Variants in DACH2 observed in about 807,000 individuals in gnomAD.
The protein encoded by DACH2 is dachshund homolog 2.
Under a neutral mutation model 35.8 loss-of-function variants are expected in DACH2, and 17 were observed. The observed-to-expected ratio is 0.48, with a 90% CI of 0.33 to 0.71. The LOEUF (loss-of-function observed/expected upper bound fraction) is 0.71, where lower values mean the gene tolerates loss of function less well. Among genes scored for constraint, DACH2 ranks in the 30% least tolerant of loss-of-function variants. The pLI is 0.02. For synonymous variants in DACH2, 195 were observed against 177.3 expected, an observed-to-expected ratio of 1.10 and a Z score of -0.79; for missense variants, 469 against 472.7, an observed-to-expected ratio of 0.99 and a Z score of 0.07.
At chrX:86,650,504 G>A (rs1470391128) in intron 3 of DACH2, among the ~76,000 whole-genome samples, 1 of 110,993 alleles carries the variant, frequency 9.0e-6, no homozygotes, top group Non-Finnish European at 1.9e-5. Context: ...CACACTCAAA[G>A]GGGTTTCATT....
intron 7 of DACH2, among the ~76,000 whole-genome samples, chrX:86,741,351 A>G (rs2041653607): frequency 9.0e-6 from 1 of 111,379 alleles, no homozygotes; most frequent in Non-Finnish European, 1.9e-5. Flanking sequence ...AATTATAATC[A>G]CCTATGGAGT....
intron 7 of DACH2, among the ~76,000 whole-genome samples, chrX:86,790,159 C>T (rs189327112): frequency 9.0e-6 from 1 of 111,425 alleles, no homozygotes; most frequent in East Asian, 2.8e-4. Context: ...ATTGGACAAT[C>T]AATTCAATCT....
intron 5 of DACH2, among the ~76,000 whole-genome samples, chrX:86,698,521 G>GTTTTTTTTTTGTTT (rs2041096860): frequency 3.0e-5 from 1 of 32,957 alleles, no homozygotes; most frequent in African/African-American, 1.5e-4. Context: ...TTAGTTTTGT[G>GTTTTTTTTTTGTTT]TTTTTTTTTT....
intron 3 of DACH2, 37 bp downstream of exon 3, chrX:86,514,428 C>T (rs758368859): frequency 6.3e-6 from 7 of 1,113,453 alleles, no homozygotes; most frequent in African/African-American, 1.8e-5. Flanking sequence ...CATGTCTCTT[C>T]GTACTGCCCA....
intron 3 of DACH2, among the ~76,000 whole-genome samples, chrX:86,554,445 G>T (rs1378891840): frequency 9.0e-6 from 1 of 111,505 alleles, no homozygotes; most frequent in Non-Finnish European, 1.9e-5. Context: ...CAGATAGAAA[G>T]TTCTACAGAT....
At chrX:86,820,406 G>A (rs773062933) in intron 11 of DACH2, among the ~76,000 whole-genome samples, 1 of 110,796 alleles carries the variant, frequency 9.0e-6, no homozygotes, top group East Asian at 2.8e-4. Flanking sequence ...TAGATATTAA[G>A]TCAAATCTAC....
At chrX:86,238,195 T>A (rs374887645) in intron 1 of DACH2, among the ~76,000 whole-genome samples, 1 of 112,505 alleles carries the variant, frequency 8.9e-6, no homozygotes, top group Admixed American at 9.4e-5. Flanking sequence ...ATTTTGTGTA[T>A]CTTTTAGATG....
chrX:86,366,690 T>C (rs911588636), intron 1 of DACH2, among the ~76,000 whole-genome samples: 6 of 109,842 alleles, frequency 5.5e-5, no homozygotes, highest in African/African-American at 1.7e-4. Context: ...TGGTGGGAGG[T>C]GTTTGGGCTG....
chrX:86,681,390 G>A (rs1323595205), intron 4 of DACH2, among the ~76,000 whole-genome samples: 4 of 110,223 alleles, frequency 3.6e-5, no homozygotes, highest in African/African-American at 1.3e-4. Flanking sequence ...GGATCAGCCC[G>A]GGAAACAGTG....
At chrX:86,398,676 C>G (rs914739980) in intron 2 of DACH2, among the ~76,000 whole-genome samples, 1 of 111,954 alleles carries the variant, frequency 8.9e-6, no homozygotes, top group Non-Finnish European at 1.9e-5. Context: ...GCAGGTTGTT[C>G]AGTTTCCATG....
intron 7 of DACH2, among the ~76,000 whole-genome samples, chrX:86,808,753 T>G (rs961971219): frequency 4.5e-5 from 5 of 110,709 alleles, no homozygotes; most frequent in Non-Finnish European, 7.6e-5. Flanking sequence ...GATGACCTGG[T>G]AGGTAGCTAC....
chrX:86,790,656 C>T (rs2042178415), intron 7 of DACH2, among the ~76,000 whole-genome samples: 1 of 111,634 alleles, frequency 9.0e-6, no homozygotes, highest in South Asian at 3.7e-4. Flanking sequence ...AAGGAATCTT[C>T]CACCTTAGCC....
chrX:86,752,150 C>A (rs1046044572), intron 7 of DACH2, among the ~76,000 whole-genome samples: 1 of 111,194 alleles, frequency 9.0e-6, no homozygotes, highest in Non-Finnish European at 1.9e-5. Flanking sequence ...GTCTAGCCTC[C>A]GAATCACATG....
At chrX:86,609,299 T>G (rs1260843144) in intron 3 of DACH2, among the ~76,000 whole-genome samples, 4 of 112,251 alleles carry the variant, frequency 3.6e-5, no homozygotes, top group African/African-American at 1.3e-4. Context: ...ATTTTTCCAC[T>G]CCAGAATTTT....
intron 4 of DACH2, among the ~76,000 whole-genome samples, chrX:86,683,238 A>G (rs373317972): frequency 6.3e-5 from 7 of 111,322 alleles, no homozygotes; most frequent in African/African-American, 2.3e-4. Context: ...CTCTTTCTTC[A>G]TATTAAATAT....
intron 7 of DACH2, among the ~76,000 whole-genome samples, chrX:86,782,022 C>T (rs1602942070): frequency 8.9e-6 from 1 of 111,758 alleles, no homozygotes; most frequent in Non-Finnish European, 1.9e-5. Context: ...AAAGCAGTAG[C>T]GTTTCTATAG....
rs78783686 is a variant in DACH2, at chrX:86,294,048, C to T, written c.489-82776C>T. 4.7e-4 allele frequency among the ~76,000 whole-genome samples: 53 copies of T among 112,002 alleles called. 1 individual carries two copies. The East Asian group carries it at 5.9e-3, about 12-fold the overall frequency. ...CAACTTGGTTCCATTCTCCCCGTCA[C>T]TTTCAGGTACACCAATCAGATGTAG... is the stretch of plus-strand genomic sequence containing the variant. On this transcript the variant is annotated intron_variant, in intron 1 of 11. Coordinates refer to ENST00000373125, the MANE Select transcript of DACH2 (RefSeq NM_053281.3).
At chrX:86,651,357 AT>A (rs1486905397) in intron 4 of DACH2, among the ~76,000 whole-genome samples, 190 bp downstream of exon 4, 1 of 112,083 alleles carries the variant, frequency 8.9e-6, no homozygotes, top group African/African-American at 3.2e-5. Flanking sequence ...TCATAATCTC[AT>A]TTTGGAAACA....
At chrX:86,547,189 G>A (rs1282149488) in intron 3 of DACH2, among the ~76,000 whole-genome samples, 1 of 111,414 alleles carries the variant, frequency 9.0e-6, no homozygotes, top group African/African-American at 3.3e-5. Context: ...TCCCGATTAT[G>A]TAAAGAAATA....
Sources: gnomAD v4.1 joint callset for allele counts (sites outside exome capture counted in the v4.1 genomes callset) on GRCh38, gnomAD v4.1.1 for gene constraint, MANE v1.5 for transcripts, NCBI Gene and HGNC (gene_info 2026-07-23, HGNC 2026-07-21) for gene names.